The following BBS4 variants were observed in gnomAD, a reference collection of about 807,000 sequenced individuals.
The protein encoded by BBS4 is BBSome complex member BBS4.
BBS4 carries 58 observed loss-of-function variants against 71.4 expected under a neutral mutation model. That is an observed-to-expected ratio of 0.81 (90% CI 0.66 to 1.01). The LOEUF is 1.01. Among genes scored for constraint, BBS4 ranks in the 50% least tolerant of loss-of-function variants. The pLI is 0.00. For synonymous variants in BBS4, 228 were observed against 216.8 expected, an observed-to-expected ratio of 1.05 and a Z score of -0.46; for missense variants, 660 against 607.9, an observed-to-expected ratio of 1.09 and a Z score of -0.90.
At chr15:72,707,339 T>G (rs887820746) in intron 2 of BBS4, among the ~76,000 whole-genome samples, 2 of 151,666 alleles carry the variant, frequency 1.3e-5, no homozygotes, top group Non-Finnish European at 2.9e-5. Context: ...CACCACACCC[T>G]GCTAATTTTT....
chr15:72,698,062 A>G (rs760094817), intron 2 of BBS4: 4 of 455,584 alleles, frequency 8.8e-6, no homozygotes, highest in African/African-American at 8.0e-5. Context: ...TTACTGCTTG[A>G]GTCTATTTTC....
intron 2 of BBS4, among the ~76,000 whole-genome samples, chr15:72,703,787 A>T (rs1340199477): frequency 6.6e-6 from 1 of 152,194 alleles, no homozygotes; most frequent in Non-Finnish European, 1.5e-5. Context: ...CAAAAGCCTT[A>T]GTTATTTAGT....
chr15:72,697,588 G>A (rs1439624661), intron 2 of BBS4, among the ~76,000 whole-genome samples: 2 of 152,206 alleles, frequency 1.3e-5, no homozygotes, highest in Non-Finnish European at 2.9e-5. Context: ...CACTGCTCTG[G>A]TTAAGTAGTG....
chr15:72,726,439 C>T (rs1308885605), intron 8 of BBS4, among the ~76,000 whole-genome samples: 7 of 152,090 alleles, frequency 4.6e-5, no homozygotes, highest in Non-Finnish European at 7.4e-5. Context: ...AATGGGATAG[C>T]TGTAGCAAAA....
intron 4 of BBS4, among the ~76,000 whole-genome samples, chr15:72,712,757 A>G (rs1033116648): frequency 3.3e-5 from 5 of 152,226 alleles, no homozygotes; most frequent in Admixed American, 2.6e-4. Flanking sequence ...GGTCTAGGAC[A>G]TTATTGTATA....
In BBS4 at chr15:72,691,974, A is replaced by G. The variant is rs2064992907; in HGVS notation, c.25-3203A>G. ...ACTTCGTCTCAAAAAAAAAAAAAAA[A>G]AAAGCTGCTATAAATATGGCCAAGA... On this transcript the variant is annotated intron_variant, in intron 1 of 15. Transcript: ENST00000268057. Among the ~76,000 whole-genome samples the G allele has an allele frequency of 4.6e-5, 7 of 152,074 alleles. No individual in the cohort carries two copies. In the South Asian group the frequency reaches 1.2e-3, roughly 27 times the overall value.
In BBS4 at chr15:72,724,591, G is replaced by T; in HGVS notation, c.523G>T (p.Gly175Trp). Residue 175 changes from glycine to tryptophan, a missense_variant, in exon 8 of 16, where the codon GGG (glycine) becomes TGG (tryptophan). By Grantham distance (184) the Gly-to-Trp change is radical (BLOSUM62 -2). Coordinates refer to ENST00000268057, the MANE Select transcript of BBS4 (RefSeq NM_033028.5). ...GCACGATCTGACTTATATAATGCTG[G>T]GGAAGATCCACTTGCTGGAGGGAGA... ...NRHDLTYIMLGKIHLLEGDLD... is the reference protein window; with the variant it reads ...NRHDLTYIMLWKIHLLEGDLD... The T allele has an allele frequency of 6.2e-7, 1 of 1,614,072 alleles. No individual in the cohort carries two copies. Among genetic ancestry groups the T allele is most frequent in the Non-Finnish European group, 8.5e-7 (1 of 1,179,988 alleles).
At position 72,738,473 on chromosome 15, in the gene BBS4, A is replaced by G. The variant is rs906879412; in HGVS notation, c.*886A>G. ...TCATAATAAAAACCTAAAAGAACCT[A>G]TGATCACGGTCTTCCCTTACCTGTG... On this transcript the variant is annotated 3_prime_UTR_variant, in exon 16 of 16. Coordinates refer to ENST00000268057, the MANE Select transcript of BBS4 (RefSeq NM_033028.5). 4 of 363,122 alleles carry G rather than the reference A, an allele frequency of 1.1e-5. No individual in the cohort carries two copies. Among genetic ancestry groups the G allele is most frequent in the African/African-American group, 2.1e-5 (1 of 46,794 alleles). The allele number at this position is 363,122 out of a possible 1,614,324, so 22.5% of individuals were successfully genotyped here.
At chr15:72,708,527 G>A (rs933357062) in intron 2 of BBS4, among the ~76,000 whole-genome samples, 4 of 152,082 alleles carry the variant, frequency 2.6e-5, no homozygotes, top group Non-Finnish European at 4.4e-5. Context: ...ATTGTAAAAC[G>A]TGTGTTTGAA....
Position 72,712,246 on chromosome 15 carries a change from T to G in BBS4, c.159T>G (p.Ala53=). 6.2e-7 allele frequency: 1 copy of G among 1,613,920 alleles called. No individual in the cohort carries two copies. The highest frequency in any genetic ancestry group is 8.5e-7 in the Non-Finnish European group (1 of 1,179,882). Reference sequence around the variant, plus strand: ...AAGCATTTTTCTCCCTCTTTCAGGCTGTTATCAAAGAACAGCTTCAAGAGA... The same window carrying G: ...AAGCATTTTTCTCCCTCTTTCAGGCGGTTATCAAAGAACAGCTTCAAGAGA... The part of the protein sequence containing the change: ...YIRKDYEACK[A]VIKEQLQETQ... The change falls in exon 4 of 16, where the codon GCT becomes GCG. Residue 53 remains alanine (A), a splice_region_variant and synonymous_variant. Coordinates refer to ENST00000268057, the MANE Select transcript of BBS4 (RefSeq NM_033028.5).
intron 4 of BBS4, among the ~76,000 whole-genome samples, chr15:72,713,841 T>C (rs1436883630): frequency 6.6e-6 from 1 of 152,212 alleles, no homozygotes; most frequent in Non-Finnish European, 1.5e-5. Flanking sequence ...AAAATGTCAT[T>C]ACAGGTGCAT....
intron 9 of BBS4, among the ~76,000 whole-genome samples, chr15:72,728,381 C>T (rs148413419): frequency 6.6e-6 from 1 of 152,050 alleles, no homozygotes; most frequent in African/African-American, 2.4e-5. Flanking sequence ...TTCTGTAGTC[C>T]CAGCTACTTG....
chr15:72,716,992 T>G, intron 6 of BBS4, 142 bp downstream of exon 6: 1 of 696,360 alleles, frequency 1.4e-6, no homozygotes, highest in South Asian at 1.8e-5. Context: ...TTTGTATAAG[T>G]ATAGGATCAA....
chr15:72,712,422 T>C (rs1331911870), intron 4 of BBS4, 115 bp downstream of exon 4: 1 of 966,080 alleles, frequency 1.0e-6, no homozygotes, highest in Non-Finnish European at 1.6e-6. Context: ...CACTTAACAA[T>C]GGAGATATGT....
intron 7 of BBS4, among the ~76,000 whole-genome samples, chr15:72,723,992 T>A (rs2065622352): frequency 6.6e-6 from 1 of 152,188 alleles, no homozygotes; most frequent in Admixed American, 6.5e-5. Context: ...ACAAAGCCCT[T>A]TTGTTTACTA....
At chr15:72,717,405 A>C (rs1347306096) in intron 6 of BBS4, 1 of 154,060 alleles carries the variant, frequency 6.5e-6, no homozygotes, top group Non-Finnish European at 1.4e-5. Context: ...TGTCCAGGTA[A>C]GTAGTTGCTG....
intron 13 of BBS4, chr15:72,735,605 T>C (rs1595952759): frequency 1.1e-5 from 7 of 638,528 alleles, no homozygotes; most frequent in Non-Finnish European, 1.7e-5. Flanking sequence ...TGTTGAGGGC[T>C]GAGATGCCAG....
chr15:72,737,532 A>C lies in BBS4; in HGVS notation c.1505A>C (p.Glu502Ala). ...CCCCCATCTCTTCCTCTGGAGCCAG[A>C]GCCTGCGGTGGAATCAAGTCCAACT... The part of the protein sequence containing the change: ...TKPPSLPLEP[E>A]PAVESSPTET... Residue 502 changes from glutamate (E) to alanine (A), a missense_variant, in exon 16 of 16, where the codon GAG becomes GCG. Coordinates refer to ENST00000268057, the MANE Select transcript of BBS4 (RefSeq NM_033028.5). The C allele has an allele frequency of 6.2e-7, 1 of 1,613,196 alleles. No homozygotes were observed. The highest frequency in any genetic ancestry group is 8.5e-7 in the Non-Finnish European group (1 of 1,179,650).
At chr15:72,729,752 C>G in intron 10 of BBS4, 68 bp downstream of exon 10, 1 of 1,361,982 alleles carries the variant, frequency 7.3e-7, no homozygotes, top group Non-Finnish European at 1.1e-6. Context: ...GTGATCTGAC[C>G]CTGGAAAGCA....
Sources: gnomAD v4.1 joint callset for allele counts (sites outside exome capture counted in the v4.1 genomes callset) on GRCh38, gnomAD v4.1.1 for gene constraint, MANE v1.5 for transcripts, NCBI Gene and HGNC (gene_info 2026-07-23, HGNC 2026-07-21) for gene names.